CUX1: variants seen among roughly 807,000 people sequenced by gnomAD.
CUX1 encodes protein CASP.
In CUX1, 31 loss-of-function variants were observed where a neutral mutation model predicts 158.8. That is an observed-to-expected ratio of 0.20 (90% confidence interval 0.15 to 0.26). CUX1 has a LOEUF of 0.26. Among genes scored for constraint, CUX1 ranks in the 10% least tolerant of loss-of-function variants. CUX1 has a pLI of 1.00. For missense variants in CUX1, 1,589 were observed against 2,014.6 expected, an observed-to-expected ratio of 0.79 and a Z score of 4.04; for synonymous variants, 879 against 862.1, an observed-to-expected ratio of 1.02 and a Z score of -0.34.
intron 6 of CUX1, among the ~76,000 whole-genome samples, chr7:102,104,852 A>G (rs782607634): frequency 5.9e-5 from 9 of 152,180 alleles, no homozygotes; most frequent in Non-Finnish European, 1.2e-4. Context: ...AGATCGCGCC[A>G]CTGCACTCCA....
At chr7:102,096,270 G>A (rs201451) in intron 4 of CUX1, among the ~76,000 whole-genome samples, 92,158 of 152,162 alleles carry the variant, frequency 0.61, 29,782 homozygotes, top group African/African-American at 0.79. Context: ...ACCTGCGGCC[G>A]CTAACCCCTG....
chr7:101,887,748 T>A (rs1800379132), intron 1 of CUX1, among the ~76,000 whole-genome samples: 1 of 151,778 alleles, frequency 6.6e-6, no homozygotes, highest in South Asian at 2.1e-4. Context: ...TAAAGCACCA[T>A]CCTCTGGGAG....
chr7:102,031,048 C>T (rs929384326), intron 3 of CUX1, among the ~76,000 whole-genome samples: 1 of 151,568 alleles, frequency 6.6e-6, no homozygotes, highest in Non-Finnish European at 1.5e-5. Context: ...ATCTCCATCA[C>T]CTTCATTTCT....
intron 1 of CUX1, among the ~76,000 whole-genome samples, chr7:101,883,137 T>G (rs1340232682): frequency 1.3e-5 from 2 of 152,176 alleles, no homozygotes; most frequent in Non-Finnish European, 2.9e-5. Context: ...GTTTGCTCAT[T>G]TCGTCATCTT....
rs200345816 is a variant in CUX1 at position 102,283,048 on chromosome 7, C to G, written c.1995C>G (p.His665Gln). ...TCGCTGACCACCTGCACAAGTTCCA[C>G]GAGAATGACAACGGGGCTGCGGCTG... Residue 665 changes from histidine (H) to glutamine (Q), a missense_variant, in exon 23 of 23, where the codon CAC becomes CAG. Physicochemically the swap from His to Gln is conservative, Grantham distance 24. Transcript: ENST00000292538. 2.3e-5 allele frequency: 37 copies of G among 1,613,502 alleles called. No individual in the cohort carries two copies. In the East Asian group the frequency reaches 6.0e-4, roughly 26 times the overall value.
chr7:102,205,245 C>A, intron 20 of CUX1, 75 bp downstream of exon 20: 1 of 1,110,306 alleles, frequency 9.0e-7, no homozygotes, highest in Non-Finnish European at 1.4e-6. Context: ...TGTGGTCTGT[C>A]CCGGCGAGAC....
intron 2 of CUX1, among the ~76,000 whole-genome samples, chr7:101,958,845 T>C (rs1280272174): frequency 4.0e-5 from 1 of 25,014 alleles, no homozygotes; most frequent in Non-Finnish European, 1.1e-4. Context: ...GATGATGCCC[T>C]TTTTTTTTTT....
intron 4 of CUX1, among the ~76,000 whole-genome samples, chr7:102,084,333 G>T (rs1206666172): frequency 1.3e-5 from 2 of 148,412 alleles, no homozygotes; most frequent in Non-Finnish European, 3.0e-5. Flanking sequence ...TAATAATATA[G>T]GTGACCTCTT....
chr7:101,818,934 G>C (rs1001198360), intron 1 of CUX1: 1 of 152,136 alleles, frequency 6.6e-6, no homozygotes, highest in Non-Finnish European at 1.5e-5. Flanking sequence ...GAGGCTGATC[G>C]GTCTTTGCAG....
At chr7:101,951,423 C>A (rs562770356) in intron 2 of CUX1, among the ~76,000 whole-genome samples, 7 of 152,254 alleles carry the variant, frequency 4.6e-5, no homozygotes, top group African/African-American at 1.7e-4. Context: ...TTATTAAAGG[C>A]TCTATAAACT....
intron 18 of CUX1, chr7:102,279,902 C>G: frequency 1.5e-6 from 1 of 652,002 alleles, no homozygotes; most frequent in South Asian, 1.7e-5. Context: ...CCTCTCCTCC[C>G]GCCTCTGAGA....
intron 3 of CUX1, among the ~76,000 whole-genome samples, chr7:102,029,904 C>T (rs1328756416): frequency 2.6e-5 from 4 of 152,154 alleles, no homozygotes; most frequent in South Asian, 2.1e-4. Context: ...CTAGTTCTCT[C>T]GCTCAAAGAG....
At chr7:102,264,857 C>T (rs1554544765) in intron 14 of CUX1, 1 of 152,618 alleles carries the variant, frequency 6.6e-6, no homozygotes, top group East Asian at 1.9e-4. Flanking sequence ...CATATGGCCT[C>T]AATCACACCC....
intron 18 of CUX1, among the ~76,000 whole-genome samples, chr7:102,202,633 G>C (rs1013925297): frequency 5.3e-5 from 8 of 152,180 alleles, no homozygotes; most frequent in African/African-American, 1.7e-4. Context: ...AATCCCATCT[G>C]ATCACACAGA....
At chr7:102,228,911 G>A (rs1400555871) in intron 21 of CUX1, among the ~76,000 whole-genome samples, 3 of 152,300 alleles carry the variant, frequency 2.0e-5, no homozygotes, top group South Asian at 4.1e-4. Context: ...AACGGACCCC[G>A]GTTCTCACTC....
chr7:102,235,798 A>ACACACACG (rs1554532576), intron 22 of CUX1, among the ~76,000 whole-genome samples: 1 of 135,576 alleles, frequency 7.4e-6, no homozygotes, highest in Non-Finnish European at 1.6e-5. Context: ...ACACACACAC[A>ACACACACG]CGCGCACACA....
intron 2 of CUX1, among the ~76,000 whole-genome samples, chr7:102,010,077 G>A (rs1009755543): frequency 2.6e-5 from 4 of 152,016 alleles, no homozygotes; most frequent in African/African-American, 9.7e-5. Flanking sequence ...CCTTGCTGCC[G>A]GTGCTAGATT....
chr7:101,959,374 G>GT (rs2129172367), intron 2 of CUX1: 1 of 151,998 alleles, frequency 6.6e-6, no homozygotes, highest in South Asian at 2.1e-4. Flanking sequence ...CACCTGGGAA[G>GT]TTTTCCTATT....
At chr7:102,179,019 C>A (rs1442880221) in intron 11 of CUX1, among the ~76,000 whole-genome samples, 1 of 152,164 alleles carries the variant, frequency 6.6e-6, no homozygotes, top group East Asian at 1.9e-4. Context: ...CGTGCATCAC[C>A]ATGCCCGGCT....
Sources: gnomAD v4.1 joint callset for allele counts (sites outside exome capture counted in the v4.1 genomes callset) on GRCh38, gnomAD v4.1.1 for gene constraint, MANE v1.5 for transcripts, NCBI Gene and HGNC (gene_info 2026-07-23, HGNC 2026-07-21) for gene names.